The following TNFAIP8 variants were observed in gnomAD, a reference collection of about 807,000 sequenced individuals.
The protein encoded by TNFAIP8 is TNF alpha induced protein 8, also known as tumor necrosis factor alpha-induced protein 8.
In TNFAIP8, 7 loss-of-function variants were observed where a neutral mutation model predicts 13.3. The ratio of observed to expected loss-of-function variants is 0.52; its 90% CI spans 0.30 to 0.99. TNFAIP8 has a LOEUF of 0.99. Ranked by LOEUF, TNFAIP8 falls within the 50% of genes least tolerant of loss-of-function variation. The probability of loss-of-function intolerance (pLI) is 0.07; values close to 1 mark genes in which losing one functional copy is unlikely to be tolerated. For missense variants in TNFAIP8, 258 were observed against 236.9 expected (o/e 1.09, Z -0.58); for synonymous variants, 94 against 87.6 (o/e 1.07, Z -0.41).
chr5:119,272,197 G>A (rs1034358697), intron 1 of TNFAIP8, among the ~76,000 whole-genome samples: 2 of 152,202 alleles, frequency 1.3e-5, no homozygotes, highest in South Asian at 4.1e-4. Flanking sequence ...AAACCACCTG[G>A]TCTATGGCCT....
rs56104829 is a variant in TNFAIP8, at chr5:119,324,274, C to CAA, written c.1+55406_1+55407dup. On this transcript the variant is annotated intron_variant, in intron 1 of 1. Coordinates refer to the TNFAIP8 transcript ENST00000274456. The stretch of plus-strand genomic sequence containing the variant: ...TGAGCCACAAAGCAAGACGCCATCT[C>CAA]AAAAAAAAAAAAAAAAAAAAAAAAA... 6.1e-4 allele frequency among the ~76,000 whole-genome samples: 47 copies of CAA among 77,654 alleles called. 2 individuals carry two copies. Among genetic ancestry groups the CAA allele is most frequent in the African/African-American group, 9.7e-4 (20 of 20,632 alleles). 50.9% of individuals were successfully genotyped at this position (77,654 alleles called of 152,430 possible).
intron 1 of TNFAIP8, among the ~76,000 whole-genome samples, chr5:119,365,052 A>G (rs961532672): frequency 1.3e-5 from 2 of 151,614 alleles, no homozygotes; most frequent in Admixed American, 6.6e-5. Context: ...AAGTTTCACC[A>G]TGTTGGCCAG....
At chr5:119,334,773 C>CA (rs1450620751) in intron 1 of TNFAIP8, among the ~76,000 whole-genome samples, 6 of 150,848 alleles carry the variant, frequency 4.0e-5, no homozygotes, top group South Asian at 2.1e-4. Context: ...GACTCCGTCT[C>CA]AAAAAAAATG....
At chr5:119,381,412 G>A (rs978389869) in intron 1 of TNFAIP8, among the ~76,000 whole-genome samples, 1 of 152,110 alleles carries the variant, frequency 6.6e-6, no homozygotes, top group African/African-American at 2.4e-5. Context: ...AAGCATGGTG[G>A]TGTGCCTGTT....
chr5:119,306,783 G>A (rs948382253), intron 1 of TNFAIP8, among the ~76,000 whole-genome samples: 5 of 152,096 alleles, frequency 3.3e-5, no homozygotes, highest in Admixed American at 3.3e-4. Flanking sequence ...TTGGTTGGTT[G>A]GTTTGTTTCA....
intron 1 of TNFAIP8, among the ~76,000 whole-genome samples, chr5:119,285,591 G>A (rs1000840769): frequency 1.3e-5 from 2 of 152,178 alleles, no homozygotes; most frequent in African/African-American, 4.8e-5. Context: ...TCATTGCTAA[G>A]ATAAGTGACT....
At chr5:119,359,946 G>C in intron 1 of TNFAIP8, among the ~76,000 whole-genome samples, 1 of 152,196 alleles carries the variant, frequency 6.6e-6, no homozygotes, top group East Asian at 1.9e-4. Flanking sequence ...GTTGTGTGCT[G>C]ACAAGGACTA....
rs185344774 is a variant in TNFAIP8 at position 119,310,427 on chromosome 5, G to A, written c.1+41520G>A. On this transcript the variant is annotated intron_variant, in intron 1 of 1. Transcript: ENST00000274456. ...GCTGTAGGCCAAGGCAGCGCCCACT[G>A]GAGGACTACAGGGCACCTCTCACGG... 2.1e-3 allele frequency among the ~76,000 whole-genome samples: 323 copies of A among 151,604 alleles called. 1 individual carries two copies. Among genetic ancestry groups the A allele is most frequent in the African/African-American group, 7.3e-3 (301 of 41,512 alleles).
At chr5:119,337,545 A>AT (rs1263195982) in intron 1 of TNFAIP8, among the ~76,000 whole-genome samples, 1 of 152,124 alleles carries the variant, frequency 6.6e-6, no homozygotes, top group Non-Finnish European at 1.5e-5. Flanking sequence ...GCTGGAGGTA[A>AT]TTTCGTTATC....
chr5:119,298,268 T>C (rs1260840193), intron 1 of TNFAIP8, among the ~76,000 whole-genome samples: 2 of 152,090 alleles, frequency 1.3e-5, no homozygotes, highest in African/African-American at 2.4e-5. Flanking sequence ...CCATGTTTAG[T>C]GCTTCCTTCA....
intron 1 of TNFAIP8, among the ~76,000 whole-genome samples, chr5:119,297,015 C>G (rs1224669049): frequency 6.6e-6 from 1 of 152,034 alleles, no homozygotes; most frequent in East Asian, 1.9e-4. Flanking sequence ...ATTCTTCTCT[C>G]TTTTTTTCTT....
chr5:119,340,056 C>A, intron 1 of TNFAIP8, among the ~76,000 whole-genome samples: 1 of 152,166 alleles, frequency 6.6e-6, no homozygotes, highest in East Asian at 1.9e-4. Flanking sequence ...GGGCAACATT[C>A]AGAAGGCTGG....
chr5:119,385,986 A>G (rs1174779749), intron 1 of TNFAIP8, among the ~76,000 whole-genome samples: 1 of 152,238 alleles, frequency 6.6e-6, no homozygotes, highest in Admixed American at 6.5e-5. Context: ...TACCAGTAAT[A>G]TCCCTGAGCA....
At chr5:119,324,602 T>G (rs1374179256) in intron 1 of TNFAIP8, among the ~76,000 whole-genome samples, 1 of 152,144 alleles carries the variant, frequency 6.6e-6, no homozygotes, top group East Asian at 1.9e-4. Context: ...CAGCCTCTAT[T>G]TATTTATATG....
chr5:119,338,168 A>ACACACG (rs1750618332), intron 1 of TNFAIP8, among the ~76,000 whole-genome samples: 1 of 98,608 alleles, frequency 1.0e-5, no homozygotes, highest in African/African-American at 9.5e-5. Context: ...GAACTTTGAC[A>ACACACG]CACACACACA....
At chr5:119,306,450 G>T (rs1581590381) in intron 1 of TNFAIP8, 1 of 151,754 alleles carries the variant, frequency 6.6e-6, no homozygotes, top group East Asian at 1.9e-4. Flanking sequence ...TTCTGACCTG[G>T]GCTGGTTCTA....
chr5:119,280,891 A>T (rs749378091), intron 1 of TNFAIP8, among the ~76,000 whole-genome samples: 8 of 150,988 alleles, frequency 5.3e-5, no homozygotes, highest in South Asian at 2.1e-4. Flanking sequence ...TCATTCTCAG[A>T]AGATCACTGA....
intron 1 of TNFAIP8, among the ~76,000 whole-genome samples, chr5:119,319,651 C>T (rs1749996771): frequency 6.6e-6 from 1 of 152,174 alleles, no homozygotes; most frequent in Admixed American, 6.5e-5. Flanking sequence ...TGGAACCTCT[C>T]TGGTTTCTTG....
chr5:119,283,981 G>C (rs1049326991), intron 1 of TNFAIP8, among the ~76,000 whole-genome samples: 2 of 152,252 alleles, frequency 1.3e-5, no homozygotes, highest in East Asian at 3.9e-4. Flanking sequence ...TTTGCCTCTG[G>C]TTAGCCCATG....
Sources: gnomAD v4.1 joint callset for allele counts (sites outside exome capture counted in the v4.1 genomes callset) on GRCh38, gnomAD v4.1.1 for gene constraint, MANE v1.5 for transcripts, NCBI Gene and HGNC (gene_info 2026-07-23, HGNC 2026-07-21) for gene names.